COL6A1: variants seen among roughly 807,000 people sequenced by gnomAD.
COL6A1 encodes collagen alpha-1(VI) chain.
Under a neutral mutation model 145.6 loss-of-function variants are expected in COL6A1, and 80 were observed. The ratio of observed to expected loss-of-function variants is 0.55; its 90% CI spans 0.46 to 0.66. COL6A1 has a LOEUF of 0.66. Among genes scored for constraint, COL6A1 ranks in the 30% least tolerant of loss-of-function variants. COL6A1 has a pLI of 0.00. For synonymous variants in COL6A1, 638 were observed against 622.8 expected (o/e 1.02, Z -0.36); for missense variants, 1,364 against 1,473.8 (o/e 0.93, Z 1.22).
chr21:45,989,156 G>T lies in COL6A1; in HGVS notation c.858+19G>T, dbSNP rs1236409671. On this transcript the variant is annotated intron_variant, in intron 9 of 34. Transcript: ENST00000361866. The stretch of plus-strand genomic sequence containing the variant: ...AGATCCTGTGAGTGCCTGACTGTGG[G>T]GTGGGGGCCCTAAGAAGCTGGAGGC... 1 of 1,585,046 alleles carries T rather than the reference G, an allele frequency of 6.3e-7. No homozygotes were observed. The highest frequency in any genetic ancestry group is 1.4e-5 in the African/African-American group (1 of 73,286).
chr21:46,004,179 G>C lies in COL6A1; in HGVS notation c.*166G>C. On this transcript the variant is annotated 3_prime_UTR_variant, in exon 35 of 35. Coordinates refer to ENST00000361866, the MANE Select transcript of COL6A1 (RefSeq NM_001848.3). ...ACAACGCTGCTGCCTGCTTTGTGCA[G>C]GGTCCTCCGGGGCTCAGCCCTGAGT... The C allele has an allele frequency of 1.1e-6, 1 of 930,800 alleles. No individual in the cohort carries two copies. Among genetic ancestry groups the C allele is most frequent in the Non-Finnish European group, 1.6e-6 (1 of 625,532 alleles). The allele number at this position is 930,800 out of a possible 1,614,324, so 57.7% of individuals were successfully genotyped here.
At position 46,004,937 on chromosome 21, in the gene COL6A1, A is replaced by G. The variant is rs993260120; in HGVS notation, c.*924A>G. The G allele has an allele frequency of 6.5e-6, 1 of 154,298 alleles. No individual in the cohort carries two copies. Among genetic ancestry groups the G allele is most frequent in the African/African-American group, 2.4e-5 (1 of 41,458 alleles). 9.6% of individuals were successfully genotyped at this position (154,298 alleles called of 1,614,324 possible). Reference sequence around the variant, plus strand: ...CTTCCTCAGAATAGTGATGTGTTCGACGTTTTATCAAAGGCCCCCTTTCTA... The same window carrying G: ...CTTCCTCAGAATAGTGATGTGTTCGGCGTTTTATCAAAGGCCCCCTTTCTA... On this transcript the variant is annotated 3_prime_UTR_variant, in exon 35 of 35. Transcript: ENST00000361866.
Position 46,002,304 on chromosome 21 carries a change from G to A in COL6A1, c.2153G>A (p.Ser718Asn). The A allele has an allele frequency of 6.3e-7, 1 of 1,594,116 alleles. No individual in the cohort carries two copies. Among genetic ancestry groups the A allele is most frequent in the East Asian group, 2.3e-5 (1 of 44,054 alleles). ...QYTRDQLLPP[S>N]PNNRIALVIT... is the part of the protein sequence containing the mutation. ...ACGCGGGACCAGCTGCTGCCGCCCA[G>A]CCCGAACAACCGCATCGCCCTGGTC... The change falls in exon 32 of 35, where the codon AGC becomes AAC. Residue 718 changes from serine to asparagine, a missense_variant. Coordinates refer to ENST00000361866, the MANE Select transcript of COL6A1 (RefSeq NM_001848.3).
intron 24 of COL6A1, 86 bp downstream of exon 24, chr21:45,998,519 C>G: frequency 1.9e-6 from 3 of 1,569,000 alleles, no homozygotes; most frequent in Non-Finnish European, 2.6e-6. Context: ...CACATGTGCA[C>G]ACAGGCTCCC....
Position 45,994,446 on chromosome 21 carries a change from C to T in COL6A1, c.1398+217C>T, listed in dbSNP as rs565484032. 9.4e-4 allele frequency among the ~76,000 whole-genome samples: 143 copies of T among 151,810 alleles called. No individual in the cohort carries two copies. Among genetic ancestry groups the T allele is most frequent in the African/African-American group, 2.8e-3 (117 of 41,364 alleles). On this transcript the variant is annotated intron_variant, in intron 20 of 34. Coordinates refer to ENST00000361866, the MANE Select transcript of COL6A1 (RefSeq NM_001848.3). The surrounding 1 kb of genome is among the most constrained non-coding windows in gnomAD (Gnocchi z 6.8). The stretch of plus-strand genomic sequence containing the variant: ...GATTGTTGAGAGCAGGCCCAGCGCC[C>T]GGGGGCCTGACGCTGAGACGCTCAG...
In COL6A1 at chr21:45,994,265, A is replaced by G. The variant is rs200650691; in HGVS notation, c.1398+36A>G. 1.0e-4 allele frequency: 164 copies of G among 1,587,180 alleles called. No individual in the cohort carries two copies. In the Middle Eastern group the frequency reaches 4.3e-3, roughly 42 times the overall value. On this transcript the variant is annotated intron_variant, in intron 20 of 34. Transcript: ENST00000361866. This position sits in a 1 kb window ranked among gnomAD's most constrained non-coding sequence, Gnocchi z 6.8. ...CTGTGGGGTTGGGGGGCGTTGGCCA[A>G]TTTGGGTTTTGGGGGTAGAAGTGCT...
At chr21:45,983,389 C>T (rs1209984655) in intron 2 of COL6A1, among the ~76,000 whole-genome samples, 1 of 150,672 alleles carries the variant, frequency 6.6e-6, no homozygotes, top group Non-Finnish European at 1.5e-5. Context: ...GTGCACAGGG[C>T]CGCTGAGGGG....
In COL6A1 at chr21:46,004,222, G is replaced by A; in HGVS notation, c.*209G>A. On this transcript the variant is annotated 3_prime_UTR_variant, in exon 35 of 35. Transcript: ENST00000361866. Reference sequence around the variant, plus strand: ...CCCTGAGTTGGCATCACCTGCGCAGGGCCCTCTGGGGCTCAGCCCTGAGCT... The same window carrying A: ...CCCTGAGTTGGCATCACCTGCGCAGAGCCCTCTGGGGCTCAGCCCTGAGCT... 2 of 645,174 alleles carry A rather than the reference G, an allele frequency of 3.1e-6. No homozygotes were observed. The highest frequency in any genetic ancestry group is 5.3e-6 in the Non-Finnish European group (2 of 377,754). The allele number at this position is 645,174 out of a possible 1,614,324, so 40.0% of individuals were successfully genotyped here.
At chr21:46,001,502 C>T in intron 30 of COL6A1, 116 bp downstream of exon 30, 1 of 1,379,826 alleles carries the variant, frequency 7.2e-7, no homozygotes, top group Non-Finnish European at 1.0e-6. Flanking sequence ...CCTGTGACTT[C>T]CCTACTCATG....
chr21:45,991,135 C>A, intron 15 of COL6A1, 94 bp downstream of exon 15: 1 of 1,401,850 alleles, frequency 7.1e-7, no homozygotes, highest in Non-Finnish European at 1.0e-6. Context: ...CTGGTCCGAG[C>A]ATGTCGGCCA....
Position 45,997,981 on chromosome 21 carries a change from G to T in COL6A1, c.1525-140G>T, listed in dbSNP as rs892792987. 171 of 1,199,156 alleles carry T rather than the reference G, an allele frequency of 1.4e-4. 1 individual carries two copies. Among genetic ancestry groups the T allele is most frequent in the Non-Finnish European group, 1.9e-4 (161 of 837,852 alleles). The allele number at this position is 1,199,156 out of a possible 1,614,324, so 74.3% of individuals were successfully genotyped here. On this transcript the variant is annotated intron_variant, in intron 22 of 34. Coordinates refer to ENST00000361866, the MANE Select transcript of COL6A1 (RefSeq NM_001848.3). ...CGGGTCCCAGGGTCCACGGGGACCA[G>T]CAGGGTGGCCCCAGGGGAGGGAGCC... is the stretch of plus-strand genomic sequence containing the variant.
rs2077796834 is a variant in COL6A1 at position 45,994,960 on chromosome 21, C to A, written c.1398+731C>A. 6.6e-6 allele frequency among the ~76,000 whole-genome samples: 1 copy of A among 152,250 alleles called. No homozygotes were observed. The highest frequency in any genetic ancestry group is 1.5e-5 in the Non-Finnish European group (1 of 68,044). On this transcript the variant is annotated intron_variant, in intron 20 of 34. Coordinates refer to ENST00000361866, the MANE Select transcript of COL6A1 (RefSeq NM_001848.3). This position sits in a 1 kb window ranked among gnomAD's most constrained non-coding sequence, Gnocchi z 6.8. ...CGACCTTACGGCTCCATGTGCGCAG[C>A]TGCCCACACACCGAGCACAAGGCCA...
At chr21:45,995,863 G>A (rs1403803666) in intron 20 of COL6A1, among the ~76,000 whole-genome samples, 3 of 152,200 alleles carry the variant, frequency 2.0e-5, no homozygotes, top group African/African-American at 4.8e-5. Flanking sequence ...TTCGGGGCCC[G>A]GGGGTGTGGA....
chr21:46,002,778 CAG>C, intron 33 of COL6A1, 68 bp downstream of exon 33: 1 of 1,489,314 alleles, frequency 6.7e-7, no homozygotes, highest in Non-Finnish European at 9.1e-7. Flanking sequence ...CGGGCAGTCC[CAG>C]ATCTGCGTAG....
intron 33 of COL6A1, among the ~76,000 whole-genome samples, 166 bp downstream of exon 33, chr21:46,002,876 G>A (rs1407773387): frequency 6.6e-6 from 1 of 151,376 alleles, no homozygotes; most frequent in Non-Finnish European, 1.5e-5. Flanking sequence ...GTGTAGGTGC[G>A]CGCAGGCGCC....
At chr21:45,997,832 C>G in intron 22 of COL6A1, 70 bp downstream of exon 22, 2 of 1,497,024 alleles carry the variant, frequency 1.3e-6, no homozygotes, top group Non-Finnish European at 1.8e-6. Context: ...GCCCCAGCCC[C>G]GCACTGTGGA....
In COL6A1 at chr21:46,004,548, TAAACTC is replaced by T. The variant is rs1374387588; in HGVS notation, c.*539_*544del. ...CCTCACCTAACAGTTACTTTACAAT[TAAACTC>T]AAAGCAAGCTCTTCTCCTCAGCTTG... On this transcript the variant is annotated 3_prime_UTR_variant, in exon 35 of 35. Coordinates refer to ENST00000361866, the MANE Select transcript of COL6A1 (RefSeq NM_001848.3). 9.4e-6 allele frequency: 3 copies of T among 317,486 alleles called. No individual in the cohort carries two copies. Among genetic ancestry groups the T allele is most frequent in the Non-Finnish European group, 2.0e-5 (3 of 152,328 alleles). 19.7% of individuals were successfully genotyped at this position (317,486 alleles called of 1,614,324 possible).
chr21:46,003,168 G>C lies in COL6A1; in HGVS notation c.2464+19G>C, dbSNP rs200297915. On this transcript the variant is annotated intron_variant, in intron 34 of 34. Transcript: ENST00000361866. The stretch of plus-strand genomic sequence containing the variant: ...TGCCCCAGTGAGTACCTCGGCGGCC[G>C]GGACACGTGGGGAGGAGGGCACCGT... The C allele has an allele frequency of 6.2e-7, 1 of 1,613,974 alleles. No homozygotes were observed. The highest frequency in any genetic ancestry group is 2.2e-5 in the East Asian group (1 of 44,880).
Position 45,986,636 on chromosome 21 carries a change from A to G in COL6A1, c.539A>G (p.Lys180Arg), listed in dbSNP as rs756141940. ...GGLEDAVNEA[K>R]HLGVKVFSVA... ...CTGGAGGATGCTGTGAACGAGGCCAAGCACCTGGGCGTCAAAGTCTTCTCG... is the reference window on the plus strand; with the variant it reads ...CTGGAGGATGCTGTGAACGAGGCCAGGCACCTGGGCGTCAAAGTCTTCTCG... The change falls in exon 4 of 35, where the codon AAG becomes AGG. Residue 180 changes from lysine (K) to arginine (R), a missense_variant. Physicochemically the swap from Lys to Arg is conservative, Grantham distance 26 (BLOSUM62 2). Around this residue, in one of 3 missense-constraint regions of COL6A1, gnomAD observed 414 missense variants for 437.6 expected, o/e 0.95. Transcript: ENST00000361866. The G allele has an allele frequency of 7.1e-5, 111 of 1,552,710 alleles. No homozygotes were observed. The highest frequency in any genetic ancestry group is 2.9e-5 in the Non-Finnish European group (33 of 1,148,446).
Sources: allele counts gnomAD v4.1 joint callset (sites outside exome capture counted in the v4.1 genomes callset), GRCh38; gene constraint gnomAD v4.1.1; regional missense constraint gnomAD v4.1.1; non-coding constraint Gnocchi (gnomAD v3.1); transcripts MANE v1.5; gene names NCBI Gene and HGNC (gene_info 2026-07-23, HGNC 2026-07-21).